Variants in PTPRD observed in about 807,000 individuals in gnomAD.
PTPRD encodes the protein receptor-type tyrosine-protein phosphatase delta.
A neutral mutation model predicts 214.5 loss-of-function variants in PTPRD; 34 were observed. The observed-to-expected ratio is 0.16, with a 90% confidence interval of 0.12 to 0.21. PTPRD has a LOEUF of 0.21. PTPRD is among the 10% of genes least tolerant of loss of function. The pLI, the probability that PTPRD is intolerant of heterozygous loss-of-function variation, is 1.00. For missense variants in PTPRD, 2,545 were observed against 2,398.7 expected (o/e 1.06, Z -1.27); for synonymous variants, 1,128 against 845.7 (o/e 1.33, Z -5.79).
intron 33 of PTPRD, 118 bp from the exon 34 acceptor site, chr9:8,449,955 C>A (rs535318434): frequency 6.2e-6 from 6 of 968,718 alleles, no homozygotes; most frequent in Admixed American, 4.7e-5. Flanking sequence ...TACAACTTTT[C>A]AACCCAGCTG....
Position 9,940,774 on chromosome 9 carries a change from G to A in PTPRD, c.-471-2164C>T, listed in dbSNP as rs563322379. 3.3e-5 allele frequency among the ~76,000 whole-genome samples: 5 copies of A among 152,008 alleles called. No homozygotes were observed. In the South Asian group the frequency reaches 8.3e-4, roughly 25 times the overall value. Reference sequence around the variant, plus strand: ...TTTCAAACTTCTGCACTTTCGTAAGGGTTGTTCCCTCCGCTTAAGAATGAT... The same window carrying A: ...TTTCAAACTTCTGCACTTTCGTAAGAGTTGTTCCCTCCGCTTAAGAATGAT... On this transcript the variant is annotated intron_variant, in intron 4 of 45. Transcript: ENST00000381196.
At chr9:10,380,274 A>G (rs2097794133) in intron 2 of PTPRD, among the ~76,000 whole-genome samples, 1 of 152,114 alleles carries the variant, frequency 6.6e-6, no homozygotes. Context: ...TTTGCTATGC[A>G]AACTTAAAAT....
At chr9:10,220,750 C>A (rs539242311) in intron 3 of PTPRD, among the ~76,000 whole-genome samples, 1 of 151,530 alleles carries the variant, frequency 6.6e-6, no homozygotes, top group Non-Finnish European at 1.5e-5. Flanking sequence ...TTCATAATAT[C>A]TATTATATGT....
chr9:10,492,334 G>A (rs2040574567), intron 2 of PTPRD, among the ~76,000 whole-genome samples: 2 of 152,028 alleles, frequency 1.3e-5, no homozygotes, highest in Admixed American at 6.6e-5. Flanking sequence ...CACCAACAGT[G>A]TAAAAGTGTT....
chr9:9,900,641 G>GTGTTTTTTTTTTTTTTTTTT (rs1555302232), intron 5 of PTPRD, among the ~76,000 whole-genome samples: 1 of 120,086 alleles, frequency 8.3e-6, no homozygotes, highest in African/African-American at 3.1e-5. Flanking sequence ...ACATTTTCAG[G>GTGTTTTTTTTTTTTTTTTTT]TTTTTTTTTT....
intron 11 of PTPRD, among the ~76,000 whole-genome samples, chr9:8,807,392 T>G (rs1244646354): frequency 2.0e-5 from 3 of 152,118 alleles, no homozygotes; most frequent in Non-Finnish European, 4.4e-5. Context: ...AAATAGAAGC[T>G]GGGAGTTTTC....
intron 7 of PTPRD, among the ~76,000 whole-genome samples, chr9:9,690,008 C>G (rs372781661): frequency 8.6e-5 from 13 of 151,822 alleles, no homozygotes; most frequent in South Asian, 4.2e-4. Context: ...ATCCAGTTAT[C>G]GGCTCCATAT....
At chr9:8,679,921 C>T (rs2154371470) in intron 12 of PTPRD, among the ~76,000 whole-genome samples, 1 of 152,278 alleles carries the variant, frequency 6.6e-6, no homozygotes, top group Non-Finnish European at 1.5e-5. Context: ...TTACCAATAT[C>T]TTATATTTCA....
At chr9:8,797,714 C>T (rs58058298) in intron 11 of PTPRD, among the ~76,000 whole-genome samples, 18,086 of 152,106 alleles carry the variant, frequency 0.12, 1,243 homozygotes, top group East Asian at 0.34. Flanking sequence ...CCATTTATCC[C>T]ACTATGCTTT....
At chr9:9,229,406 A>G (rs2099961667) in intron 9 of PTPRD, among the ~76,000 whole-genome samples, 1 of 152,100 alleles carries the variant, frequency 6.6e-6, no homozygotes, top group Admixed American at 6.6e-5. Flanking sequence ...GCAATGCCTC[A>G]TAGAAGAAAG....
chr9:10,378,999 T>C (rs1365206464), intron 2 of PTPRD, among the ~76,000 whole-genome samples: 1 of 152,026 alleles, frequency 6.6e-6, no homozygotes. Context: ...CTTTCCTTGA[T>C]GTTTTATAGT....
At chr9:8,677,820 A>T (rs2097460708) in intron 12 of PTPRD, among the ~76,000 whole-genome samples, 1 of 152,184 alleles carries the variant, frequency 6.6e-6, no homozygotes, top group Admixed American at 6.5e-5. Context: ...CACCACAAGC[A>T]GCGGGGACTC....
chr9:9,503,977 A>G (rs2096504127), intron 8 of PTPRD, among the ~76,000 whole-genome samples: 1 of 151,764 alleles, frequency 6.6e-6, no homozygotes, highest in African/African-American at 2.4e-5. Context: ...CAATAATCTC[A>G]AAACAATTAT....
intron 11 of PTPRD, among the ~76,000 whole-genome samples, chr9:8,909,796 C>T (rs142055753): frequency 7.4e-6 from 1 of 135,020 alleles, no homozygotes; most frequent in African/African-American, 2.8e-5. Context: ...TAGAGATAGA[C>T]AGAGATAGAG....
chr9:8,438,505 A>G (rs1212835085), intron 34 of PTPRD, among the ~76,000 whole-genome samples: 1 of 152,204 alleles, frequency 6.6e-6, no homozygotes, highest in Non-Finnish European at 1.5e-5. Context: ...AATAATTTAC[A>G]TTCTATGGAG....
chr9:9,865,447 G>T (rs569658131), intron 5 of PTPRD, among the ~76,000 whole-genome samples: 2 of 152,150 alleles, frequency 1.3e-5, no homozygotes, highest in Non-Finnish European at 2.9e-5. Flanking sequence ...ACATATAAGC[G>T]TGCTCAGCCC....
chr9:8,413,758 A>G (rs888594089), intron 35 of PTPRD, among the ~76,000 whole-genome samples: 1 of 152,186 alleles, frequency 6.6e-6, no homozygotes, highest in East Asian at 1.9e-4. Flanking sequence ...CTTACATGTG[A>G]TAAAACTAGA....
At chr9:10,446,468 G>C (rs896960509) in intron 2 of PTPRD, among the ~76,000 whole-genome samples, 1 of 107,640 alleles carries the variant, frequency 9.3e-6, no homozygotes, top group Non-Finnish European at 1.7e-5. Context: ...ACAGCTAAAA[G>C]ATTGAAATTC....
intron 14 of PTPRD, among the ~76,000 whole-genome samples, chr9:8,602,086 G>A (rs1444719648): frequency 6.6e-6 from 1 of 152,088 alleles, no homozygotes; most frequent in Non-Finnish European, 1.5e-5. Context: ...AGATGAAAAG[G>A]AGGGAAAAAT....
Sources: gnomAD v4.1 joint callset for allele counts (sites outside exome capture counted in the v4.1 genomes callset) on GRCh38, gnomAD v4.1.1 for gene constraint, MANE v1.5 for transcripts, NCBI Gene and HGNC (gene_info 2026-07-23, HGNC 2026-07-21) for gene names.